The following BPTF variants were observed in gnomAD, a reference collection of about 807,000 sequenced individuals.
The protein encoded by BPTF is bromodomain PHD finger transcription factor.
Under a neutral mutation model 292.5 loss-of-function variants are expected in BPTF, and 18 were observed. The observed-to-expected ratio is 0.06, with a 90% CI of 0.04 to 0.09. BPTF has a LOEUF of 0.09. BPTF is among the 10% of genes least tolerant of loss of function. The probability of loss-of-function intolerance (pLI) is 1.00; values close to 1 mark genes in which losing one functional copy is unlikely to be tolerated. For missense variants in BPTF, 2,726 were observed against 3,498.7 expected (o/e 0.78, Z 5.57); for synonymous variants, 1,225 against 1,251.9 (o/e 0.98, Z 0.45).
rs2065952556 is a variant in BPTF, at chr17:67,948,163, C to T, written c.7783C>T (p.Arg2595Cys). Residue 2595 changes from arginine to cysteine, a missense_variant, in exon 23 of 28, where the codon CGT becomes TGT. Physicochemically the swap from Arg to Cys is radical, Grantham distance 180. Around this residue, in one of 22 missense-constraint regions of BPTF, gnomAD observed 26 missense variants for 60.6 expected, o/e 0.43. Transcript: ENST00000306378. The stretch of plus-strand genomic sequence containing the variant: ...AAAACAGGCAGCAAAAAAACGGAAG[C>T]GTGAAGAGAGTGTGGAGCAGAAACG... ...EEKQAAKKRK[R>C]EESVEQKRSK... 6.2e-7 allele frequency: 1 copy of T among 1,614,012 alleles called. No homozygotes were observed. Among genetic ancestry groups the T allele is most frequent in the Admixed American group, 1.7e-5 (1 of 59,992 alleles).
intron 27 of BPTF, among the ~76,000 whole-genome samples, chr17:67,980,326 C>A (rs1383398849): frequency 2.0e-5 from 3 of 152,178 alleles, no homozygotes; most frequent in Non-Finnish European, 4.4e-5. Flanking sequence ...GCCTGGGCAA[C>A]ACTGAGGCTC....
Position 67,825,896 on chromosome 17 carries a change from G to T in BPTF, c.172G>T (p.Val58Leu). 9.8e-7 allele frequency: 1 copy of T among 1,016,488 alleles called. No individual in the cohort carries two copies. Among genetic ancestry groups the T allele is most frequent in the South Asian group, 4.5e-5 (1 of 22,444 alleles). 63.0% of individuals were successfully genotyped at this position (1,016,488 alleles called of 1,614,324 possible). A position where few individuals can be genotyped will look rare whatever the true frequency, so the allele number is the denominator to read the frequency against. Reference protein sequence around the residue: ...RGRWAAAQAEVAPKTRLSSPR... With the variant: ...RGRWAAAQAELAPKTRLSSPR... ...CAGGTGGGCCGCCGCCCAGGCTGAGGTGGCGCCCAAGACGCGGCTGAGCTC... is the reference window on the plus strand; with the variant it reads ...CAGGTGGGCCGCCGCCCAGGCTGAGTTGGCGCCCAAGACGCGGCTGAGCTC... The change falls in exon 1 of 28, where the codon GTG becomes TTG. Residue 58 changes from valine to leucine, a missense_variant. By Grantham distance (32) the Val-to-Leu change is conservative. Coordinates refer to ENST00000306378, the MANE Select transcript of BPTF (RefSeq NM_182641.4).
At chr17:67,951,404 A>T (rs1555678455) in intron 23 of BPTF, 1 of 152,198 alleles carries the variant, frequency 6.6e-6, no homozygotes, top group Non-Finnish European at 1.5e-5. Flanking sequence ...GTATCACAGG[A>T]CCACAAAGAG....
intron 3 of BPTF, among the ~76,000 whole-genome samples, chr17:67,867,476 T>G (rs996913104): frequency 6.6e-6 from 1 of 152,246 alleles, no homozygotes; most frequent in Non-Finnish European, 1.5e-5. Context: ...TTGTTACAAC[T>G]AATGGACCAG....
At chr17:67,841,975 G>T (rs576847044) in intron 1 of BPTF, among the ~76,000 whole-genome samples, 10 of 151,732 alleles carry the variant, frequency 6.6e-5, no homozygotes, top group Non-Finnish European at 1.0e-4. Context: ...TTTGCTGTAG[G>T]AATTACAAAA....
At chr17:67,875,144 A>G in intron 4 of BPTF, 124 bp downstream of exon 4, 1 of 798,364 alleles carries the variant, frequency 1.3e-6, no homozygotes, top group Non-Finnish European at 2.0e-6. Flanking sequence ...TTCTAAAGAG[A>G]TCAGGATACC....
chr17:67,844,786 C>G (rs776521834), intron 1 of BPTF, among the ~76,000 whole-genome samples: 3 of 151,998 alleles, frequency 2.0e-5, no homozygotes, highest in Non-Finnish European at 4.4e-5. Context: ...TCTTGTTGCC[C>G]AGGCTGGAGT....
chr17:67,851,023 A>T (rs1441440850), intron 1 of BPTF, among the ~76,000 whole-genome samples: 1 of 152,186 alleles, frequency 6.6e-6, no homozygotes, highest in Admixed American at 6.5e-5. Flanking sequence ...GAGAAGGGAA[A>T]AGAGGTATAT....
At chr17:67,882,115 G>T (rs569461731) in intron 4 of BPTF, among the ~76,000 whole-genome samples, 13 of 152,190 alleles carry the variant, frequency 8.5e-5, no homozygotes, top group Middle Eastern at 3.4e-3. Context: ...AATTACAGGC[G>T]TGAGCTACCG....
At chr17:67,828,442 T>C (rs1455179036) in intron 1 of BPTF, among the ~76,000 whole-genome samples, 1 of 152,216 alleles carries the variant, frequency 6.6e-6, no homozygotes, top group Non-Finnish European at 1.5e-5. Context: ...TTAAGATTGA[T>C]GGGTGTGCAT....
chr17:67,872,978 T>A (rs2059837536), intron 3 of BPTF, among the ~76,000 whole-genome samples: 1 of 152,062 alleles, frequency 6.6e-6, no homozygotes, highest in African/African-American at 2.4e-5. Flanking sequence ...TTCCATCTAC[T>A]CGGGAGGCTG....
rs781859167 is a variant in BPTF, at chr17:67,964,168, A to G, written c.8262-44A>G. 11 of 1,567,478 alleles carry G rather than the reference A, an allele frequency of 7.0e-6. No homozygotes were observed. In the Admixed American group the frequency reaches 8.6e-5, roughly 12 times the overall value. On this transcript the variant is annotated intron_variant, in intron 24 of 27. Coordinates refer to ENST00000306378, the MANE Select transcript of BPTF (RefSeq NM_182641.4). The stretch of plus-strand genomic sequence containing the variant: ...TGCATGCTTTATTATAAGTAACATC[A>G]TCCCATGTGTTTTGAACTCACATTT...
intron 23 of BPTF, among the ~76,000 whole-genome samples, chr17:67,952,934 T>C (rs2066515973): frequency 1.3e-5 from 2 of 152,202 alleles, no homozygotes; most frequent in African/African-American, 4.8e-5. Flanking sequence ...CATCTTTGAA[T>C]ATATCAATAA....
chr17:67,900,104 G>C (rs2061724126), intron 7 of BPTF, among the ~76,000 whole-genome samples: 1 of 151,970 alleles, frequency 6.6e-6, no homozygotes, highest in African/African-American at 2.4e-5. Context: ...GTGTGCGCAT[G>C]TGTGTGTCTG....
Position 67,920,154 on chromosome 17 carries a change from G to C in BPTF, c.5557+11G>C. The C allele has an allele frequency of 6.2e-7, 1 of 1,605,994 alleles. No individual in the cohort carries two copies. The highest frequency in any genetic ancestry group is 8.5e-7 in the Non-Finnish European group (1 of 1,174,930). ...CAGAAACACCAAAAGGTAAGAAATA[G>C]AATTCTATTCTTTCATGATTAACCT... On this transcript the variant is annotated intron_variant, in intron 13 of 27. Coordinates refer to ENST00000306378, the MANE Select transcript of BPTF (RefSeq NM_182641.4).
Position 67,911,097 on chromosome 17 carries a change from T to C in BPTF, c.3213T>C (p.Phe1071=), listed in dbSNP as rs2062623310. 1.2e-6 allele frequency: 2 copies of C among 1,611,674 alleles called. No homozygotes were observed. The highest frequency in any genetic ancestry group is 1.7e-5 in the Admixed American group (1 of 59,944). Residue 1071 remains phenylalanine, a synonymous_variant, in exon 11 of 28, where the codon TTT becomes TTC. Coordinates refer to ENST00000306378, the MANE Select transcript of BPTF (RefSeq NM_182641.4). ...TTCTTGAAAGGAGAATTAAACAGTT[T>C]ACACTGGAAGAAAAACAGCGACTCG... ...DGLLERRIKQ[F]TLEEKQRLEK...
intron 15 of BPTF, 76 bp downstream of exon 15, chr17:67,924,665 C>T: frequency 1.3e-6 from 2 of 1,517,394 alleles, no homozygotes; most frequent in African/African-American, 1.4e-5. Context: ...CTTGACCTCC[C>T]ATCAGCAGGG....
At chr17:67,919,577 G>A (rs1352009104) in intron 12 of BPTF, among the ~76,000 whole-genome samples, 1 of 152,078 alleles carries the variant, frequency 6.6e-6, no homozygotes, top group East Asian at 1.9e-4. Context: ...CTTTGTTGAA[G>A]TTTGGCACAT....
At chr17:67,862,813 CTT>C (rs11325305) in intron 2 of BPTF, among the ~76,000 whole-genome samples, 64 of 129,682 alleles carry the variant, frequency 4.9e-4, no homozygotes, top group African/African-American at 6.9e-4. Context: ...AAAATCCTTG[CTT>C]TTTTTTTTTT....
Sources: gnomAD v4.1 joint callset for allele counts (sites outside exome capture counted in the v4.1 genomes callset) on GRCh38, gnomAD v4.1.1 for gene constraint, gnomAD v4.1.1 regional missense constraint, MANE v1.5 for transcripts, NCBI Gene and HGNC (gene_info 2026-07-23, HGNC 2026-07-21) for gene names.